P2RY8: variants seen among roughly 807,000 people sequenced by gnomAD.
The protein encoded by P2RY8 is P2Y receptor family member 8.
Under a neutral mutation model 10.0 loss-of-function variants are expected in P2RY8, and 6 were observed. That is an observed-to-expected ratio of 0.60 (90% CI 0.33 to 1.19). P2RY8 has a LOEUF of 1.19. Among genes scored for constraint, P2RY8 ranks in the 50% most tolerant of loss-of-function variants. P2RY8 has a pLI of 0.04. For synonymous variants in P2RY8, 276 were observed against 252.5 expected (o/e 1.09, Z -0.88); for missense variants, 456 against 542.0 (o/e 0.84, Z 1.58).
rs2091611206 is a variant in P2RY8 at position 1,463,186 on chromosome X, G to T, written c.*2293C>A. On this transcript the variant is annotated 3_prime_UTR_variant, in exon 2 of 2. Transcript: ENST00000381297. ...TTTTTCACAGTTTTTTTTCCCCCATGAGACACACCCAAGGCCCACGCTCAG... is the reference window on the plus strand; with the variant it reads ...TTTTTCACAGTTTTTTTTCCCCCATTAGACACACCCAAGGCCCACGCTCAG... 1 of 233,040 alleles carries T rather than the reference G, an allele frequency of 4.3e-6. No homozygotes were observed. Among genetic ancestry groups the T allele is most frequent in the Non-Finnish European group, 8.5e-6 (1 of 117,990 alleles). 14.4% of individuals were successfully genotyped at this position (233,040 alleles called of 1,614,324 possible). A position where few individuals can be genotyped will look rare whatever the true frequency, so the allele number is the denominator to read the frequency against.
chrX:1,488,878 T>C (rs5948912), intron 1 of P2RY8, among the ~76,000 whole-genome samples: 145,415 of 152,008 alleles, frequency 0.96, 69,727 homozygotes, highest in East Asian at 1. Context: ...AGGATTCAGT[T>C]ATGCAAATGT....
intron 1 of P2RY8, among the ~76,000 whole-genome samples, chrX:1,505,294 C>CT (rs1293929235): frequency 6.6e-6 from 1 of 152,152 alleles, no homozygotes; most frequent in East Asian, 1.9e-4. Context: ...GAAAGCAGAT[C>CT]TTTATCTTTC....
At chrX:1,476,029 G>C (rs1309133504) in intron 1 of P2RY8, among the ~76,000 whole-genome samples, 1 of 152,154 alleles carries the variant, frequency 6.6e-6, no homozygotes, top group Non-Finnish European at 1.5e-5. Flanking sequence ...ACATCTTCTT[G>C]ACCTTTGACA....
chrX:1,476,733 C>T (rs766043625), intron 1 of P2RY8, among the ~76,000 whole-genome samples: 2 of 152,216 alleles, frequency 1.3e-5, no homozygotes, highest in South Asian at 4.1e-4. Flanking sequence ...GGAAACATCC[C>T]TGGTTGCCAC....
At chrX:1,536,450 C>T (rs1343113448) in intron 1 of P2RY8, among the ~76,000 whole-genome samples, 2 of 151,934 alleles carry the variant, frequency 1.3e-5, no homozygotes. Flanking sequence ...TTAGTAGAGA[C>T]GGGGTTTCAC....
rs758047162 is a variant in P2RY8 at position 1,524,137 on chromosome X, C to T, written c.-25+12784G>A. On this transcript the variant is annotated intron_variant, in intron 1 of 1. Transcript: ENST00000381297. Reference sequence around the variant, plus strand: ...CGTTCCTGTTTGATTTTCTCATCTGCAATGTAGCGATGGGGTAGAATTGGG... The same window carrying T: ...CGTTCCTGTTTGATTTTCTCATCTGTAATGTAGCGATGGGGTAGAATTGGG... Among the ~76,000 whole-genome samples the T allele has an allele frequency of 1.8e-3, 279 of 152,250 alleles. 1 individual carries two copies. The highest frequency in any genetic ancestry group is 6.6e-3 in the African/African-American group (274 of 41,540).
intron 1 of P2RY8, among the ~76,000 whole-genome samples, chrX:1,507,624 C>A (rs1211347209): frequency 6.6e-6 from 1 of 152,118 alleles, no homozygotes; most frequent in Non-Finnish European, 1.5e-5. Flanking sequence ...CCGGTCACAG[C>A]ACCCGGCGGA....
At chrX:1,473,525 GTGGA>G (rs370972736) in intron 1 of P2RY8, among the ~76,000 whole-genome samples, 52,923 of 119,808 alleles carry the variant, frequency 0.44, 11,071 homozygotes, top group South Asian at 0.62. Flanking sequence ...GCATGGATGG[GTGGA>G]TGGATGGGTG....
intron 1 of P2RY8, among the ~76,000 whole-genome samples, chrX:1,517,339 C>T (rs1487153465): frequency 6.6e-6 from 1 of 152,096 alleles, no homozygotes; most frequent in African/African-American, 2.4e-5. Flanking sequence ...CCAGCCCTGT[C>T]CACACCTGAT....
intron 1 of P2RY8, among the ~76,000 whole-genome samples, chrX:1,509,176 T>TATCTATATATCTATCC (rs1458690296): frequency 6.6e-6 from 1 of 151,882 alleles, no homozygotes; most frequent in South Asian, 2.1e-4. Flanking sequence ...TCTATCTATC[T>TATCTATATATCTATCC]ATCTATCTAT....
At chrX:1,493,737 G>A (rs1358064417) in intron 1 of P2RY8, among the ~76,000 whole-genome samples, 4 of 152,148 alleles carry the variant, frequency 2.6e-5, no homozygotes, top group Non-Finnish European at 4.4e-5. Context: ...CCTCGTCAAA[G>A]GAACAATTGG....
chrX:1,496,709 T>G (rs1466271402), intron 1 of P2RY8, among the ~76,000 whole-genome samples: 1 of 150,720 alleles, frequency 6.6e-6, no homozygotes, highest in Non-Finnish European at 1.5e-5. Flanking sequence ...CTTTCTTTCT[T>G]TTTTGTGAGA....
intron 1 of P2RY8, among the ~76,000 whole-genome samples, chrX:1,467,583 G>A (rs1569536372): frequency 6.6e-6 from 1 of 152,236 alleles, no homozygotes; most frequent in Non-Finnish European, 1.5e-5. Flanking sequence ...CCATGAGCTG[G>A]TGATGAAAAA....
Position 1,508,274 on chromosome X carries a change from C to T in P2RY8, c.-25+28647G>A, listed in dbSNP as rs765839338. Among the ~76,000 whole-genome samples the T allele has an allele frequency of 3.9e-5, 6 of 152,234 alleles. No homozygotes were observed. The East Asian group carries it at 1.2e-3, about 29-fold the overall frequency. On this transcript the variant is annotated intron_variant, in intron 1 of 1. Transcript: ENST00000381297. ...AGGCTGAGTGTTGATCAAAGGTTTT[C>T]AACTGGGGCCACTGTGGTCCCCAGG...
intron 1 of P2RY8, among the ~76,000 whole-genome samples, chrX:1,492,141 T>A (rs1255758927): frequency 6.6e-6 from 1 of 152,008 alleles, no homozygotes; most frequent in African/African-American, 2.4e-5. Flanking sequence ...GAGAGGGGTG[T>A]GGTCCAAGCC....
At chrX:1,520,043 C>T in intron 1 of P2RY8, among the ~76,000 whole-genome samples, 1 of 151,170 alleles carries the variant, frequency 6.6e-6, no homozygotes, top group Middle Eastern at 3.5e-3. Context: ...CTCTCTGGTC[C>T]CCAATAATCT....
rs185285370 is a variant in P2RY8 at position 1,488,146 on chromosome X, A to C, written c.-24-21564T>G. Among the ~76,000 whole-genome samples, 1,361 of 151,484 alleles carry C rather than the reference A, an allele frequency of 9.0e-3. 16 individuals are homozygous for C. The highest frequency in any genetic ancestry group is 0.031 in the African/African-American group (1,292 of 41,364). The stretch of plus-strand genomic sequence containing the variant: ...AGAAGAAGAAGAGAAGTGGGTCTCA[A>C]CAGGGTCCCCAGTGTATCACTAACA... On this transcript the variant is annotated intron_variant, in intron 1 of 1. Transcript: ENST00000381297.
intron 1 of P2RY8, among the ~76,000 whole-genome samples, chrX:1,524,668 T>C (rs2092423981): frequency 3.5e-5 from 3 of 86,622 alleles, no homozygotes; most frequent in Non-Finnish European, 5.2e-5. Context: ...CATCCATCCA[T>C]TCATCCATCC....
intron 1 of P2RY8, among the ~76,000 whole-genome samples, chrX:1,497,237 G>A (rs1241216869): frequency 0.085 from 3,354 of 39,672 alleles, 190 homozygotes; most frequent in African/African-American, 0.16. Flanking sequence ...AAAAAAAAAA[G>A]AAAAGAAAAA....
Sources: allele counts gnomAD v4.1 joint callset (sites outside exome capture counted in the v4.1 genomes callset), GRCh38; gene constraint gnomAD v4.1.1; transcripts MANE v1.5; gene names NCBI Gene and HGNC (gene_info 2026-07-23, HGNC 2026-07-21).